The following STPG2 variants were observed in gnomAD, a reference collection of about 807,000 sequenced individuals.
The protein encoded by STPG2 is sperm-tail PG-rich repeat-containing protein 2.
A neutral mutation model predicts 54.2 loss-of-function variants in STPG2; 56 were observed. The observed-to-expected ratio is 1.03, with a 90% CI of 0.83 to 1.29. The LOEUF is 1.29. STPG2 is among the 50% of genes most tolerant of loss of function. The pLI is 0.00. For missense variants in STPG2, 596 were observed against 544.9 expected (o/e 1.09, Z -0.93); for synonymous variants, 200 against 181.8 (o/e 1.10, Z -0.81).
At chr4:97,754,695 C>T (rs1489475007) in intron 9 of STPG2, among the ~76,000 whole-genome samples, 1 of 152,054 alleles carries the variant, frequency 6.6e-6, no homozygotes, top group Non-Finnish European at 1.5e-5. Context: ...CACAATTTCT[C>T]TCTTCTCACC....
chr4:97,844,707 G>A (rs1022254356), intron 8 of STPG2, among the ~76,000 whole-genome samples: 1 of 151,672 alleles, frequency 6.6e-6, no homozygotes, highest in African/African-American at 2.4e-5. Context: ...GGATATAGTG[G>A]TTTTTTTTAT....
At chr4:97,569,103 T>C (rs1304672011) in intron 10 of STPG2, among the ~76,000 whole-genome samples, 1 of 152,162 alleles carries the variant, frequency 6.6e-6, no homozygotes, top group Non-Finnish European at 1.5e-5. Context: ...CAACTGAGTA[T>C]ACTTGTAGTT....
intron 5 of STPG2, among the ~76,000 whole-genome samples, chr4:98,056,404 G>A (rs1486853083): frequency 2.6e-5 from 4 of 152,152 alleles, no homozygotes; most frequent in Non-Finnish European, 4.4e-5. Flanking sequence ...CGAGGAAGAA[G>A]GAACTCCTGC....
intron 10 of STPG2, among the ~76,000 whole-genome samples, chr4:97,602,053 G>T (rs1733476228): frequency 6.6e-6 from 1 of 151,630 alleles, no homozygotes; most frequent in Admixed American, 6.6e-5. Flanking sequence ...ATTACTACCA[G>T]GATATAGACA....
intron 9 of STPG2, among the ~76,000 whole-genome samples, chr4:97,734,628 C>T (rs1724913562): frequency 6.6e-6 from 1 of 152,042 alleles, no homozygotes; most frequent in Non-Finnish European, 1.5e-5. Flanking sequence ...TTGAACCATC[C>T]ATGCCTCCCA....
chr4:98,002,291 G>A, intron 5 of STPG2, among the ~76,000 whole-genome samples: 1 of 152,116 alleles, frequency 6.6e-6, no homozygotes, highest in South Asian at 2.1e-4. Context: ...AGAATACTGA[G>A]TGACATCAAA....
At chr4:97,678,678 G>C (rs1156379359) in intron 10 of STPG2, among the ~76,000 whole-genome samples, 1 of 151,524 alleles carries the variant, frequency 6.6e-6, no homozygotes, top group East Asian at 1.9e-4. Context: ...ACAATGTGCA[G>C]GTTAGTTACA....
chr4:97,745,936 A>T (rs1171649829), intron 9 of STPG2, among the ~76,000 whole-genome samples: 1 of 151,300 alleles, frequency 6.6e-6, no homozygotes, highest in Non-Finnish European at 1.5e-5. Flanking sequence ...TCTACATAAG[A>T]TGTAGTAATG....
At chr4:97,465,001 T>C (rs1391527659) in intron 4 of STPG2, among the ~76,000 whole-genome samples, 3 of 152,154 alleles carry the variant, frequency 2.0e-5, no homozygotes. Context: ...TGGAAAAGGT[T>C]ACAGTCTTAC....
intron 5 of STPG2, among the ~76,000 whole-genome samples, chr4:98,079,870 C>T (rs568106129): frequency 1.6e-4 from 25 of 152,058 alleles, no homozygotes; most frequent in Admixed American, 1.2e-3. Flanking sequence ...AATGATTTTA[C>T]TCAAGATTCC....
intron 4 of STPG2, among the ~76,000 whole-genome samples, chr4:97,463,178 A>G (rs1220804844): frequency 1.3e-5 from 2 of 151,852 alleles, no homozygotes; most frequent in Non-Finnish European, 2.9e-5. Context: ...AGTCTTTTAC[A>G]TTTTTCATCT....
intron 3 of STPG2, among the ~76,000 whole-genome samples, chr4:98,114,479 A>C (rs762581290): frequency 1.1e-4 from 17 of 152,116 alleles, no homozygotes; most frequent in Admixed American, 9.8e-4. Context: ...TTTGTCAAAA[A>C]ATCAGTATTT....
chr4:97,574,001 C>A (rs577944932), intron 10 of STPG2, among the ~76,000 whole-genome samples: 1 of 152,148 alleles, frequency 6.6e-6, no homozygotes. Flanking sequence ...CAGGACCCCT[C>A]TAGGATTCAA....
At chr4:97,745,424 G>A (rs1189320853) in intron 9 of STPG2, among the ~76,000 whole-genome samples, 2 of 150,850 alleles carry the variant, frequency 1.3e-5, no homozygotes, top group Non-Finnish European at 3.0e-5. Flanking sequence ...AAAAACTAAA[G>A]ATACTTTTTC....
intron 5 of STPG2, among the ~76,000 whole-genome samples, chr4:98,090,540 C>CT (rs1268778745): frequency 3.3e-5 from 5 of 151,216 alleles, no homozygotes; most frequent in African/African-American, 9.7e-5. Flanking sequence ...GCTATGCAGG[C>CT]TTTTTTTTTG....
intron 5 of STPG2, among the ~76,000 whole-genome samples, chr4:98,083,907 G>A (rs1481270667): frequency 6.6e-6 from 1 of 152,176 alleles, no homozygotes; most frequent in Non-Finnish European, 1.5e-5. Context: ...CTGGCATACA[G>A]TGGCATGAGC....
chr4:97,827,055 G>C (rs1212855517), intron 9 of STPG2, among the ~76,000 whole-genome samples: 1 of 152,020 alleles, frequency 6.6e-6, no homozygotes, highest in Non-Finnish European at 1.5e-5. Flanking sequence ...GTAAAATAGA[G>C]GAAAAAACTT....
chr4:97,716,372 C>T lies in STPG2; in HGVS notation c.1205-3558G>A, dbSNP rs1724288973. The stretch of plus-strand genomic sequence containing the variant: ...AGTATATACTCAAAGGACTATTAAT[C>T]ATTCTGCTATAAAGACACATGCACA... On this transcript the variant is annotated intron_variant, in intron 9 of 10. Transcript: ENST00000295268. Among the ~76,000 whole-genome samples, 2 of 152,126 alleles carry T rather than the reference C, an allele frequency of 1.3e-5. 1 individual carries two copies. Among genetic ancestry groups the T allele is most frequent in the Non-Finnish European group, 2.9e-5 (2 of 68,032 alleles).
intron 9 of STPG2, among the ~76,000 whole-genome samples, chr4:97,805,038 T>C (rs1277960505): frequency 6.6e-6 from 1 of 152,146 alleles, no homozygotes; most frequent in East Asian, 1.9e-4. Context: ...TCAGAGCATA[T>C]TTCCATCACC....
Sources: allele counts gnomAD v4.1 joint callset (sites outside exome capture counted in the v4.1 genomes callset), GRCh38; gene constraint gnomAD v4.1.1; transcripts MANE v1.5; gene names NCBI Gene and HGNC (gene_info 2026-07-23, HGNC 2026-07-21).